RBFOX1: variants seen among roughly 807,000 people sequenced by gnomAD.
The protein encoded by RBFOX1 is RNA binding fox-1 homolog 1, also known as RNA binding protein fox-1 homolog 1.
Under a neutral mutation model 57.7 loss-of-function variants are expected in RBFOX1, and 8 were observed. The observed-to-expected ratio is 0.14, with a 90% CI of 0.08 to 0.25. The LOEUF is 0.25. RBFOX1 is among the 10% of genes least tolerant of loss of function. RBFOX1 has a pLI of 1.00. For synonymous variants in RBFOX1, 326 were observed against 222.4 expected (o/e 1.47, Z -4.15); for missense variants, 611 against 548.5 (o/e 1.11, Z -1.14).
At chr16:7,011,604 C>G (rs895901475) in intron 3 of RBFOX1, among the ~76,000 whole-genome samples, 4 of 152,150 alleles carry the variant, frequency 2.6e-5, no homozygotes, top group African/African-American at 9.7e-5. Context: ...AGCTCCGCAT[C>G]CCGGGTTCAC....
chr16:6,151,942 A>G (rs1440077798), intron 1 of RBFOX1, among the ~76,000 whole-genome samples: 1 of 152,238 alleles, frequency 6.6e-6, no homozygotes, highest in African/African-American at 2.4e-5. Flanking sequence ...AGGAGAAAAG[A>G]AAAAGCTTTA....
chr16:7,561,462 A>G (rs529647398), intron 5 of RBFOX1, among the ~76,000 whole-genome samples: 46 of 152,350 alleles, frequency 3.0e-4, no homozygotes, highest in African/African-American at 9.9e-4. Flanking sequence ...CCACCTGCCA[A>G]TGCAGGAGAA....
rs115328122 is a variant in RBFOX1, at chr16:6,165,930, C to T, written c.-127+145938C>T. On this transcript the variant is annotated intron_variant, in intron 1 of 15. Transcript: ENST00000550418. ...ACGTCAAACTTAGGTACTGGAATTG[C>T]CGGGATGTTGTCATCAACGATTTGA... is the stretch of plus-strand genomic sequence containing the variant. Among the ~76,000 whole-genome samples the T allele has an allele frequency of 6.9e-3, 1,055 of 152,156 alleles. 9 individuals carry two copies. Among genetic ancestry groups the T allele is most frequent in the African/African-American group, 0.024 (983 of 41,522 alleles).
intron 13 of RBFOX1, among the ~76,000 whole-genome samples, chr16:7,665,772 G>C (rs1294814638): frequency 6.6e-6 from 1 of 152,068 alleles, no homozygotes; most frequent in Non-Finnish European, 1.5e-5. Flanking sequence ...TATTACAAAA[G>C]ACCTCAGTCA....
At chr16:7,081,507 A>G (rs1394695409) in intron 4 of RBFOX1, among the ~76,000 whole-genome samples, 1 of 152,234 alleles carries the variant, frequency 6.6e-6, no homozygotes, top group Non-Finnish European at 1.5e-5. Flanking sequence ...CTAGAAAAAT[A>G]GAAGCACTCA....
chr16:6,021,410 C>T lies in RBFOX1; in HGVS notation c.-127+1418C>T, dbSNP rs573553395. Among the ~76,000 whole-genome samples the T allele has an allele frequency of 3.1e-3, 472 of 152,214 alleles. 4 individuals carry two copies. The highest frequency in any genetic ancestry group is 5.4e-3 in the Non-Finnish European group (366 of 68,016). ...TTCAATTTTTAAGTGACCACAGAGG[C>T]CCCGGCTGGAGCTACTGGCAGATTT... On this transcript the variant is annotated intron_variant, in intron 1 of 15. Coordinates refer to ENST00000550418, the MANE Select transcript of RBFOX1 (RefSeq NM_018723.4).
At chr16:6,595,678 A>T (rs368516478) in intron 2 of RBFOX1, among the ~76,000 whole-genome samples, 1 of 152,156 alleles carries the variant, frequency 6.6e-6, no homozygotes. Context: ...CCCACCAGCA[A>T]TGTCTCTGGC....
intron 4 of RBFOX1, among the ~76,000 whole-genome samples, chr16:7,080,259 A>G (rs927139034): frequency 4.6e-5 from 7 of 152,008 alleles, no homozygotes; most frequent in South Asian, 2.1e-4. Flanking sequence ...TGGACAGGCA[A>G]TTTTAGGGAT....
intron 3 of RBFOX1, among the ~76,000 whole-genome samples, chr16:5,785,619 C>G (rs1425914078): frequency 2.6e-5 from 4 of 152,110 alleles, no homozygotes; most frequent in African/African-American, 9.7e-5. Flanking sequence ...CCTCTGCCTC[C>G]TGGGTTCAAG....
chr16:6,188,200 A>G (rs528250040), intron 1 of RBFOX1, among the ~76,000 whole-genome samples: 5 of 152,262 alleles, frequency 3.3e-5, no homozygotes, highest in Admixed American at 2.0e-4. Context: ...AAGCCTGTTC[A>G]GTTCAAACTG....
chr16:5,677,664 G>A (rs8060535), intron 3 of RBFOX1, among the ~76,000 whole-genome samples: 35,175 of 152,124 alleles, frequency 0.23, 4,589 homozygotes, highest in East Asian at 0.57. Flanking sequence ...TAAACATGTC[G>A]TGTTAGTAGA....
intron 2 of RBFOX1, among the ~76,000 whole-genome samples, chr16:6,323,432 T>C (rs992798485): frequency 6.6e-6 from 1 of 152,196 alleles, no homozygotes; most frequent in Non-Finnish European, 1.5e-5. Flanking sequence ...GGTGTGTCAG[T>C]CTTGCTTGCT....
At chr16:5,820,731 C>G (rs1052591961) in intron 3 of RBFOX1, among the ~76,000 whole-genome samples, 1 of 152,194 alleles carries the variant, frequency 6.6e-6, no homozygotes, top group Non-Finnish European at 1.5e-5. Context: ...CTGAGTGACA[C>G]CGTTCCCCCG....
intron 4 of RBFOX1, among the ~76,000 whole-genome samples, chr16:5,917,063 C>A (rs192355284): frequency 6.6e-6 from 1 of 152,152 alleles, no homozygotes; most frequent in Admixed American, 6.5e-5. Context: ...TTCACCGCAC[C>A]CTGCAGGCGT....
At chr16:6,155,064 G>A (rs1312334054) in intron 1 of RBFOX1, among the ~76,000 whole-genome samples, 1 of 152,174 alleles carries the variant, frequency 6.6e-6, no homozygotes, top group Non-Finnish European at 1.5e-5. Flanking sequence ...TAGGAATGCT[G>A]CATAGTTTTA....
intron 2 of RBFOX1, among the ~76,000 whole-genome samples, chr16:5,529,439 C>G (rs1443109080): frequency 6.7e-6 from 1 of 148,874 alleles, no homozygotes; most frequent in African/African-American, 2.5e-5. Flanking sequence ...CTTTGTTGCT[C>G]AGGCTGGAGT....
At chr16:6,208,202 A>G (rs1388374158) in intron 1 of RBFOX1, among the ~76,000 whole-genome samples, 1 of 152,132 alleles carries the variant, frequency 6.6e-6, no homozygotes, top group African/African-American at 2.4e-5. Flanking sequence ...GTAAAACTAT[A>G]AGTTTAAAAA....
At chr16:7,390,818 G>C (rs532216387) in intron 4 of RBFOX1, among the ~76,000 whole-genome samples, 1 of 152,214 alleles carries the variant, frequency 6.6e-6, no homozygotes, top group East Asian at 1.9e-4. Context: ...GCTTAAGGGA[G>C]GACAGATTCC....
At chr16:6,981,706 G>A (rs2088924764) in intron 3 of RBFOX1, among the ~76,000 whole-genome samples, 2 of 152,118 alleles carry the variant, frequency 1.3e-5, no homozygotes, top group South Asian at 4.1e-4. Context: ...TCACATGAGA[G>A]TCAGTATCCT....
Sources: allele counts gnomAD v4.1 joint callset (sites outside exome capture counted in the v4.1 genomes callset), GRCh38; gene constraint gnomAD v4.1.1; transcripts MANE v1.5; gene names NCBI Gene and HGNC (gene_info 2026-07-23, HGNC 2026-07-21).